CA10: variants seen among roughly 807,000 people sequenced by gnomAD.
CA10 encodes the protein carbonic anhydrase 10 (inactive), also known as carbonic anhydrase-related protein 10.
A neutral mutation model predicts 44.2 loss-of-function variants in CA10; 14 were observed. The ratio of observed to expected loss-of-function variants is 0.32; its 90% CI spans 0.21 to 0.50. The LOEUF (loss-of-function observed/expected upper bound fraction) is 0.50. Ranked by LOEUF, CA10 falls within the 20% of genes least tolerant of loss-of-function variation. The pLI, the probability that CA10 is intolerant of heterozygous loss-of-function variation, is 0.99. For synonymous variants in CA10, 159 were observed against 141.6 expected (o/e 1.12, Z -0.87); for missense variants, 350 against 409.7 (o/e 0.85, Z 1.26).
chr17:52,030,450 G>A (rs1010365817), intron 2 of CA10, among the ~76,000 whole-genome samples: 2 of 152,140 alleles, frequency 1.3e-5, no homozygotes, highest in African/African-American at 4.8e-5. Flanking sequence ...TAGTCCTGTG[G>A]GAATTGAAGA....
chr17:51,862,740 T>G (rs1761701027), intron 3 of CA10, among the ~76,000 whole-genome samples: 1 of 152,070 alleles, frequency 6.6e-6, no homozygotes, highest in Non-Finnish European at 1.5e-5. Context: ...GCTTTTCCTC[T>G]GTTCACATGG....
intron 2 of CA10, among the ~76,000 whole-genome samples, chr17:52,014,191 T>C (rs1235039233): frequency 1.3e-5 from 2 of 151,874 alleles, no homozygotes; most frequent in Non-Finnish European, 2.9e-5. Context: ...TAAATTCTTA[T>C]GAAAGAGGAA....
intron 4 of CA10, among the ~76,000 whole-genome samples, chr17:51,704,351 T>C (rs1199223605): frequency 3.3e-5 from 5 of 152,216 alleles, no homozygotes; most frequent in Admixed American, 3.3e-4. Flanking sequence ...AAACAATGGT[T>C]ACAAGCACAA....
At chr17:51,697,998 T>G (rs1308247885) in intron 4 of CA10, among the ~76,000 whole-genome samples, 1 of 152,180 alleles carries the variant, frequency 6.6e-6, no homozygotes, top group African/African-American at 2.4e-5. Context: ...GGCCATCTGA[T>G]TTTGTTCTTT....
At chr17:51,929,128 A>G (rs951298261) in intron 3 of CA10, among the ~76,000 whole-genome samples, 40 of 152,212 alleles carry the variant, frequency 2.6e-4, no homozygotes, top group African/African-American at 8.7e-4. Context: ...CTAAAACAAA[A>G]AAAAACCCAA....
intron 3 of CA10, among the ~76,000 whole-genome samples, chr17:51,786,281 T>C (rs1245016322): frequency 4.6e-5 from 7 of 151,518 alleles, no homozygotes; most frequent in Non-Finnish European, 8.8e-5. Context: ...GGAGGACGCA[T>C]TGGCTCGTGG....
intron 2 of CA10, among the ~76,000 whole-genome samples, chr17:52,050,779 C>A (rs1352937125): frequency 6.6e-6 from 1 of 152,066 alleles, no homozygotes; most frequent in Non-Finnish European, 1.5e-5. Flanking sequence ...ATCTTCCCAG[C>A]AAGGCCCCCC....
At chr17:51,908,295 T>C (rs1443997477) in intron 3 of CA10, among the ~76,000 whole-genome samples, 1 of 152,162 alleles carries the variant, frequency 6.6e-6, no homozygotes, top group Admixed American at 6.5e-5. Flanking sequence ...GCAGTGTAAT[T>C]ACTTTGGTCA....
chr17:52,004,840 C>T (rs1403248629), intron 2 of CA10, among the ~76,000 whole-genome samples: 3 of 151,804 alleles, frequency 2.0e-5, no homozygotes, highest in African/African-American at 7.2e-5. Context: ...TCCTCTAATG[C>T]AAAACTCTCT....
At chr17:52,036,907 G>A (rs1375714132) in intron 2 of CA10, among the ~76,000 whole-genome samples, 1 of 152,154 alleles carries the variant, frequency 6.6e-6, no homozygotes, top group Non-Finnish European at 1.5e-5. Context: ...AGTATGAGGT[G>A]CAGGTGGAGC....
intron 2 of CA10, among the ~76,000 whole-genome samples, chr17:51,958,257 GTTTT>G (rs56021809): frequency 0.49 from 71,828 of 146,558 alleles, 17,641 homozygotes; most frequent in African/African-American, 0.58. Flanking sequence ...AAATAACTGA[GTTTT>G]TTTTTTTTTT....
intron 3 of CA10, among the ~76,000 whole-genome samples, chr17:51,892,272 C>T (rs1425661088): frequency 1.3e-5 from 2 of 152,166 alleles, no homozygotes; most frequent in Non-Finnish European, 2.9e-5. Context: ...TCTCTCAAAG[C>T]TACTCAGTAA....
At chr17:51,919,522 T>C (rs890150442) in intron 3 of CA10, among the ~76,000 whole-genome samples, 6 of 152,218 alleles carry the variant, frequency 3.9e-5, no homozygotes, top group Non-Finnish European at 7.3e-5. Context: ...TTTTTTCTTT[T>C]CTCTCCCATG....
intron 4 of CA10, among the ~76,000 whole-genome samples, chr17:51,689,359 GC>G: frequency 6.6e-6 from 1 of 152,288 alleles, no homozygotes; most frequent in East Asian, 1.9e-4. Flanking sequence ...CAGGATTCCA[GC>G]CCAGGGCCAT....
intron 4 of CA10, among the ~76,000 whole-genome samples, chr17:51,729,210 A>G (rs145184031): frequency 3.1e-3 from 465 of 152,080 alleles, no homozygotes; most frequent in Admixed American, 6.3e-3. Context: ...CACCAAGCAC[A>G]CTCCACACTT....
chr17:51,980,263 G>A (rs1339365143), intron 2 of CA10, among the ~76,000 whole-genome samples: 2 of 152,072 alleles, frequency 1.3e-5, no homozygotes, highest in Admixed American at 6.6e-5. Context: ...GTTTTCATTT[G>A]CATTTCTCCA....
intron 1 of CA10, among the ~76,000 whole-genome samples, chr17:52,106,123 G>T (rs755686818): frequency 1.3e-5 from 2 of 152,204 alleles, no homozygotes; most frequent in African/African-American, 4.8e-5. Context: ...GGGCTGGCCC[G>T]CATCACGGGT....
chr17:52,098,290 A>G (rs1988454391), intron 1 of CA10, among the ~76,000 whole-genome samples: 1 of 152,234 alleles, frequency 6.6e-6, no homozygotes, highest in Admixed American at 6.5e-5. Flanking sequence ...CAGTGTGTGC[A>G]TGAAACATCT....
At chr17:51,688,465 A>G (rs1447324783) in intron 4 of CA10, among the ~76,000 whole-genome samples, 4 of 152,198 alleles carry the variant, frequency 2.6e-5, no homozygotes, top group Non-Finnish European at 5.9e-5. Flanking sequence ...TAGTTTAACC[A>G]CTAAACATCT....
Sources: allele counts gnomAD v4.1 joint callset (sites outside exome capture counted in the v4.1 genomes callset), GRCh38; gene constraint gnomAD v4.1.1; transcripts MANE v1.5; gene names NCBI Gene and HGNC (gene_info 2026-07-23, HGNC 2026-07-21).